Variants in ANKRD36C observed in about 807,000 individuals in gnomAD.
The protein encoded by ANKRD36C is ankyrin repeat domain 36C, also known as ankyrin repeat domain-containing protein 36C.
ANKRD36C carries 61 observed loss-of-function variants against 276.4 expected under a neutral mutation model. The ratio of observed to expected loss-of-function variants is 0.22; its 90% CI spans 0.18 to 0.27. The LOEUF is 0.27. ANKRD36C is among the 10% of genes least tolerant of loss of function. The pLI is 1.00. For synonymous variants in ANKRD36C, 483 were observed against 680.1 expected (o/e 0.71, Z 4.51); for missense variants, 1,447 against 2,032.3 (o/e 0.71, Z 5.54).
At chr2:95,881,325 T>C (rs1271658012) in intron 56 of ANKRD36C, among the ~76,000 whole-genome samples, 1 of 152,228 alleles carries the variant, frequency 6.6e-6, no homozygotes, top group East Asian at 1.9e-4. Context: ...GTATAATAAA[T>C]TATACATATT....
intron 60 of ANKRD36C, among the ~76,000 whole-genome samples, chr2:95,863,479 T>G (rs887107157): frequency 1.3e-5 from 2 of 152,064 alleles, no homozygotes; most frequent in Non-Finnish European, 2.9e-5. Flanking sequence ...ATATCTCAAC[T>G]CAGTCTGTAA....
chr2:95,957,327 A>T (rs1678350934), intron 12 of ANKRD36C, among the ~76,000 whole-genome samples: 1 of 152,306 alleles, frequency 6.6e-6, no homozygotes, highest in South Asian at 2.1e-4. Flanking sequence ...ACAAATATTC[A>T]TCATGCTCTT....
chr2:95,923,351 C>T (rs558134690), intron 32 of ANKRD36C, 144 bp downstream of exon 32: 15 of 1,143,570 alleles, frequency 1.3e-5, no homozygotes, highest in Non-Finnish European at 1.6e-5. Flanking sequence ...CAGCGTCACC[C>T]GAGAACTTAT....
intron 54 of ANKRD36C, among the ~76,000 whole-genome samples, 154 bp from the exon 75 acceptor site, chr2:95,882,651 G>A (rs986313977): frequency 6.6e-5 from 10 of 152,036 alleles, no homozygotes; most frequent in African/African-American, 2.4e-4. Context: ...AGGAACATGA[G>A]GAAATACACT....
chr2:95,981,919 A>G (rs1180499262), intron 4 of ANKRD36C, among the ~76,000 whole-genome samples: 2 of 152,184 alleles, frequency 1.3e-5, no homozygotes, highest in Non-Finnish European at 2.9e-5. Flanking sequence ...AGATCATACA[A>G]TCAAAAGCAT....
chr2:95,853,687 G>C, intron 64 of ANKRD36C, 22 bp downstream of exon 84: 2 of 1,562,028 alleles, frequency 1.3e-6, no homozygotes, highest in Non-Finnish European at 1.7e-6. Context: ...ACAGTTGTTG[G>C]TGTGCAAAGT....
chr2:95,983,773 C>T (rs987234561), intron 3 of ANKRD36C, among the ~76,000 whole-genome samples: 1 of 151,340 alleles, frequency 6.6e-6, no homozygotes, highest in Admixed American at 6.6e-5. Flanking sequence ...TGTGCCACCA[C>T]ACCCAGCTAA....
intron 3 of ANKRD36C, among the ~76,000 whole-genome samples, chr2:95,983,908 G>A (rs1045346613): frequency 1.3e-5 from 2 of 151,692 alleles, no homozygotes; most frequent in Admixed American, 6.6e-5. Flanking sequence ...GAGCCACTGC[G>A]CTCGGCCAAT....
In ANKRD36C at chr2:95,852,353, G is replaced by GT. The variant is rs1221928322; in HGVS notation, c.5149-158dup. 13 of 646,172 alleles carry GT rather than the reference G, an allele frequency of 2.0e-5. No homozygotes were observed. The African/African-American group carries it at 2.0e-4, about 10-fold the overall frequency. 40.0% of individuals were successfully genotyped at this position (646,172 alleles called of 1,614,324 possible). ...TCTAGGAGAAGTCATCCCATTACCT[G>GT]TTTTTTGTAATTAATTTTAGTGGGA... On this transcript the variant is annotated intron_variant, in intron 64 of 66. Coordinates refer to ENST00000456556, the Ensembl canonical transcript of ANKRD36C.
chr2:95,975,835 C>A (rs955532495), intron 6 of ANKRD36C, among the ~76,000 whole-genome samples: 1 of 152,102 alleles, frequency 6.6e-6, no homozygotes. Context: ...TCAGAGTGAA[C>A]AGGCAACCTA....
At chr2:95,943,392 G>A (rs896529290) in intron 19 of ANKRD36C, among the ~76,000 whole-genome samples, 1 of 151,424 alleles carries the variant, frequency 6.6e-6, no homozygotes, top group Non-Finnish European at 1.5e-5. Context: ...GGCTGAGGCA[G>A]GAGAATGGCG....
chr2:95,874,942 C>G (rs1462522990), intron 59 of ANKRD36C, among the ~76,000 whole-genome samples: 1 of 152,248 alleles, frequency 6.6e-6, no homozygotes, highest in African/African-American at 2.4e-5. Context: ...CTCACCATCA[C>G]TAGCCATCAG....
At chr2:95,863,111 C>T (rs887219794) in intron 60 of ANKRD36C, among the ~76,000 whole-genome samples, 6 of 151,944 alleles carry the variant, frequency 3.9e-5, no homozygotes, top group South Asian at 2.1e-4. Context: ...CAGGCTGCTC[C>T]GAATAAAAGA....
At chr2:95,914,537 T>A (rs1677033817) in intron 38 of ANKRD36C, among the ~76,000 whole-genome samples, 1 of 151,398 alleles carries the variant, frequency 6.6e-6, no homozygotes, top group Non-Finnish European at 1.5e-5. Flanking sequence ...TTGTCATATG[T>A]CGAAAACTAA....
intron 24 of ANKRD36C, among the ~76,000 whole-genome samples, chr2:95,934,748 G>T (rs1355182947): frequency 6.6e-6 from 1 of 152,060 alleles, no homozygotes; most frequent in African/African-American, 2.4e-5. Flanking sequence ...AGAACTTAAG[G>T]TATAATACAA....
intron 6 of ANKRD36C, among the ~76,000 whole-genome samples, chr2:95,973,909 G>A (rs1030158469): frequency 1.5e-4 from 23 of 152,094 alleles, no homozygotes; most frequent in African/African-American, 5.1e-4. Context: ...TTAGCTTGGT[G>A]TGGTGGCATA....
At position 95,919,544 on chromosome 2, in the gene ANKRD36C, A is replaced by T. The variant is rs1186429872; in HGVS notation, c.2246-1502T>A. ...GAAAGTGTATAATCTTACTGCAAAGATCATGTTCCAGGCCAACAGCATTAG... is the reference window on the plus strand; with the variant it reads ...GAAAGTGTATAATCTTACTGCAAAGTTCATGTTCCAGGCCAACAGCATTAG... On this transcript the variant is annotated intron_variant, in intron 34 of 66. Transcript: ENST00000456556. 1.5e-5 allele frequency among the ~76,000 whole-genome samples: 2 copies of T among 132,056 alleles called. 1 individual carries two copies. The highest frequency in any genetic ancestry group is 3.4e-5 in the Non-Finnish European group (2 of 59,660). 86.6% of individuals were successfully genotyped at this position (132,056 alleles called of 152,430 possible).
intron 56 of ANKRD36C, among the ~76,000 whole-genome samples, chr2:95,881,837 T>C (rs1830281): frequency 8.1e-4 from 102 of 126,494 alleles, no homozygotes; most frequent in East Asian, 1.8e-3. Flanking sequence ...AATCCCTCTT[T>C]CTTGATGAAA....
At chr2:95,987,867 CGTT>C (rs1467667772) in intron 1 of ANKRD36C, among the ~76,000 whole-genome samples, 1 of 151,742 alleles carries the variant, frequency 6.6e-6, no homozygotes, top group African/African-American at 2.4e-5. Context: ...TTAGATGTAT[CGTT>C]GTATTTCAGT....
Sources: allele counts gnomAD v4.1 joint callset (sites outside exome capture counted in the v4.1 genomes callset), GRCh38; gene constraint gnomAD v4.1.1; transcripts MANE v1.5; gene names NCBI Gene and HGNC (gene_info 2026-07-23, HGNC 2026-07-21).